Variants in NUDCD1 observed in about 807,000 individuals in gnomAD.
The protein encoded by NUDCD1 is nudC domain-containing protein 1.
A neutral mutation model predicts 67.8 loss-of-function variants in NUDCD1; 60 were observed. The observed-to-expected ratio is 0.88, with a 90% CI of 0.72 to 1.10. The LOEUF is 1.10. Among genes scored for constraint, NUDCD1 ranks in the 50% least tolerant of loss-of-function variants. The pLI, the probability that NUDCD1 is intolerant of heterozygous loss-of-function variation, is 0.00. For missense variants in NUDCD1, 643 were observed against 695.0 expected (o/e 0.93, Z 0.84); for synonymous variants, 244 against 230.8 (o/e 1.06, Z -0.52).
chr8:109,312,669 T>C (rs556363388), intron 2 of NUDCD1, among the ~76,000 whole-genome samples: 1 of 152,276 alleles, frequency 6.6e-6, no homozygotes, highest in Admixed American at 6.5e-5. Flanking sequence ...TAGTTGTTTA[T>C]CAATAAAGTA....
intron 8 of NUDCD1, among the ~76,000 whole-genome samples, chr8:109,266,974 C>T (rs1041592194): frequency 6.6e-6 from 1 of 152,222 alleles, no homozygotes; most frequent in East Asian, 1.9e-4. Context: ...TTCTAAAACT[C>T]TAAGGACATA....
intron 8 of NUDCD1, among the ~76,000 whole-genome samples, chr8:109,251,630 CTGA>C: frequency 6.6e-6 from 1 of 152,108 alleles, no homozygotes; most frequent in Admixed American, 6.5e-5. Context: ...AGTGCTATTC[CTGA>C]TGTTGATACT....
intron 8 of NUDCD1, among the ~76,000 whole-genome samples, chr8:109,258,126 T>G (rs774228508): frequency 6.6e-6 from 1 of 152,176 alleles, no homozygotes; most frequent in Non-Finnish European, 1.5e-5. Flanking sequence ...TCTAAAAGTT[T>G]TATTAGTTTA....
chr8:109,258,693 TAAG>T (rs904233205), intron 8 of NUDCD1, among the ~76,000 whole-genome samples: 5 of 151,532 alleles, frequency 3.3e-5, no homozygotes. Context: ...ACACAGATTC[TAAG>T]AAAAAAAAAG....
At chr8:109,284,595 A>G (rs1814531559) in intron 5 of NUDCD1, among the ~76,000 whole-genome samples, 1 of 152,156 alleles carries the variant, frequency 6.6e-6, no homozygotes, top group Non-Finnish European at 1.5e-5. Context: ...ATCACAGTGG[A>G]ATAAAAATAG....
At chr8:109,327,148 C>CTATT (rs879657100) in intron 1 of NUDCD1, among the ~76,000 whole-genome samples, 8 of 152,190 alleles carry the variant, frequency 5.3e-5, no homozygotes, top group Admixed American at 5.2e-4. Context: ...ACTGAGCTTG[C>CTATT]TATTTATCTA....
intron 1 of NUDCD1, among the ~76,000 whole-genome samples, chr8:109,323,449 C>T (rs193201899): frequency 6.6e-6 from 1 of 152,122 alleles, no homozygotes; most frequent in East Asian, 1.9e-4. Flanking sequence ...CCAATTAGCA[C>T]TTATGATACA....
chr8:109,270,090 A>AGGGGGGGGGG (rs1563665962), intron 8 of NUDCD1, among the ~76,000 whole-genome samples: 9 of 7,602 alleles, frequency 1.2e-3, no homozygotes, highest in Admixed American at 3.6e-3. Flanking sequence ...GGGTGCCTTA[A>AGGGGGGGGGG]GGTGGGGTGT....
At chr8:109,254,394 A>G (rs1387797204) in intron 8 of NUDCD1, among the ~76,000 whole-genome samples, 1 of 152,214 alleles carries the variant, frequency 6.6e-6, no homozygotes, top group Non-Finnish European at 1.5e-5. Flanking sequence ...GGGGAAAAGA[A>G]GGCTTTAAAT....
intron 7 of NUDCD1, among the ~76,000 whole-genome samples, chr8:109,273,258 C>T (rs893032700): frequency 4.6e-5 from 7 of 152,054 alleles, no homozygotes; most frequent in Admixed American, 4.6e-4. Context: ...ACCTGGTAAC[C>T]ATCCTAGGCT....
intron 8 of NUDCD1, among the ~76,000 whole-genome samples, chr8:109,268,398 G>A (rs144594149): frequency 2.6e-5 from 4 of 152,128 alleles, no homozygotes; most frequent in Admixed American, 1.3e-4. Flanking sequence ...CTAGGACTTA[G>A]TAAGCAGATC....
chr8:109,316,648 G>A (rs1342855492), intron 2 of NUDCD1: 4 of 152,180 alleles, frequency 2.6e-5, no homozygotes, highest in Non-Finnish European at 5.9e-5. Flanking sequence ...CTCAGAGTAG[G>A]TTGATTTCAT....
rs1163972167 is a variant in NUDCD1 at position 109,245,354 on chromosome 8, A to G, written c.1427T>C (p.Met476Thr). 10 of 1,613,842 alleles carry G rather than the reference A, an allele frequency of 6.2e-6. No individual in the cohort carries two copies. The highest frequency in any genetic ancestry group is 2.7e-5 in the African/African-American group (2 of 74,928). ...ATTGAAAGTTGCGATGTGCTCCCACATATCATCTTGTTTGCTGGAGTGTGG... is the reference window on the plus strand; with the variant it reads ...ATTGAAAGTTGCGATGTGCTCCCACGTATCATCTTGTTTGCTGGAGTGTGG... ...WQPHSSKQDD[M>T]WEHIATFNAL... The change falls in exon 9 of 10, where the codon ATG (methionine) becomes ACG (threonine). Residue 476 changes from methionine to threonine, a missense_variant. Physicochemically the swap from Met to Thr is moderately conservative, Grantham distance 81 (BLOSUM62 -1). Transcript: ENST00000239690.
intron 5 of NUDCD1, among the ~76,000 whole-genome samples, chr8:109,285,678 C>T (rs933432634): frequency 6.6e-6 from 1 of 152,000 alleles, no homozygotes; most frequent in Non-Finnish European, 1.5e-5. Flanking sequence ...TAACAAGAGC[C>T]ATCTATGACA....
At chr8:109,281,204 A>T (rs1814430863) in intron 5 of NUDCD1, 32 bp from the exon 6 acceptor site, 2 of 1,395,660 alleles carry the variant, frequency 1.4e-6, no homozygotes, top group Non-Finnish European at 2.0e-6. Flanking sequence ...ATCATGTAAT[A>T]AAAAATTAGA....
chr8:109,310,810 CTTTTT>C (rs59611956), intron 2 of NUDCD1, among the ~76,000 whole-genome samples: 3 of 75,182 alleles, frequency 4.0e-5, no homozygotes, highest in African/African-American at 1.5e-4. Flanking sequence ...ATAGACAATT[CTTTTT>C]TTTTTTTTTT....
At chr8:109,246,159 GGGA>G (rs1813491393) in intron 8 of NUDCD1, among the ~76,000 whole-genome samples, 1 of 152,116 alleles carries the variant, frequency 6.6e-6, no homozygotes, top group East Asian at 1.9e-4. Context: ...AAAAAGGTTG[GGGA>G]CTGCTGATAT....
intron 8 of NUDCD1, among the ~76,000 whole-genome samples, chr8:109,252,209 G>C (rs1813637054): frequency 6.6e-6 from 1 of 152,082 alleles, no homozygotes; most frequent in Admixed American, 6.5e-5. Context: ...ATTCTCTACT[G>C]TCTGGTTCAG....
rs563545793 is a variant in NUDCD1, at chr8:109,242,192, G to A, written c.*817C>T. 5.0e-6 allele frequency: 2 copies of A among 397,746 alleles called. No individual in the cohort carries two copies. The highest frequency in any genetic ancestry group is 8.8e-5 in the Admixed American group (2 of 22,714). The allele number at this position is 397,746 out of a possible 1,614,324, so 24.6% of individuals were successfully genotyped here. A position where few individuals can be genotyped will look rare whatever the true frequency, so the allele number is the denominator to read the frequency against. On this transcript the variant is annotated 3_prime_UTR_variant, in exon 10 of 10. Coordinates refer to ENST00000239690, the MANE Select transcript of NUDCD1 (RefSeq NM_032869.4). ...ATTTGCTTTGTCCAATGGAACATTA[G>A]TAAATATGATAGATGTACAGGATCG... is the stretch of plus-strand genomic sequence containing the variant.
Sources: gnomAD v4.1 joint callset for allele counts (sites outside exome capture counted in the v4.1 genomes callset) on GRCh38, gnomAD v4.1.1 for gene constraint, MANE v1.5 for transcripts, NCBI Gene and HGNC (gene_info 2026-07-23, HGNC 2026-07-21) for gene names.